Variants in HAP1 observed in about 807,000 individuals in gnomAD.
HAP1 encodes the protein huntingtin associated protein 1, also known as huntingtin-associated protein 1.
In HAP1, 59 loss-of-function variants were observed where a neutral mutation model predicts 60.3. The observed-to-expected ratio is 0.98, with a 90% CI of 0.79 to 1.22. The LOEUF is 1.22. Among genes scored for constraint, HAP1 ranks in the 50% most tolerant of loss-of-function variants. The probability of loss-of-function intolerance (pLI) is 0.00; values close to 1 mark genes in which losing one functional copy is unlikely to be tolerated. For missense variants in HAP1, 825 were observed against 785.3 expected (o/e 1.05, Z -0.60); for synonymous variants, 346 against 330.6 (o/e 1.05, Z -0.50).
rs782572130 is a variant in HAP1 at position 41,732,326 on chromosome 17, A to G, written c.618T>C (p.Thr206=). Reference sequence around the variant, plus strand: ...CCAGGGACTGGCCGATGCGAGCTGCAGTGTTCAGGTCCCTCTCTCTCTGCA... The same window carrying G: ...CCAGGGACTGGCCGATGCGAGCTGCGGTGTTCAGGTCCCTCTCTCTCTGCA... ...MVLQRERDLN[T]AARIGQSLVK... The change falls in exon 3 of 11, where the codon ACT becomes ACC. Residue 206 remains threonine, a synonymous_variant. Transcript: ENST00000347901. The G allele has an allele frequency of 6.2e-7, 1 of 1,614,104 alleles. No homozygotes were observed. Among genetic ancestry groups the G allele is most frequent in the Non-Finnish European group, 8.5e-7 (1 of 1,179,966 alleles).
At chr17:41,728,368 C>A in intron 6 of HAP1, 37 bp from the exon 7 acceptor site, 1 of 1,607,128 alleles carries the variant, frequency 6.2e-7, no homozygotes, top group South Asian at 1.1e-5. Context: ...CCTGGCTCCC[C>A]TGGCCTTCAG....
chr17:41,727,198 T>TA (rs1911719718), intron 8 of HAP1, 54 bp from the exon 9 acceptor site: 2 of 929,360 alleles, frequency 2.2e-6, no homozygotes, highest in African/African-American at 1.6e-5. Context: ...CCCCCACCCA[T>TA]AGGCTCAGGC....
Position 41,727,838 on chromosome 17 carries a change from T to TC in HAP1, c.1201-3_1201-2insG. Reference sequence around the variant, plus strand: ...CAACTTTTCAGTCTCAGCCCCATACTGGAAGGACCCAAAACCAGTGAACCC... The same window carrying TC: ...CAACTTTTCAGTCTCAGCCCCATACTCGGAAGGACCCAAAACCAGTGAACCC... On this transcript the variant is annotated splice_region_variant and splice_polypyrimidine_tract_variant and intron_variant, in intron 7 of 10. Coordinates refer to ENST00000347901, the MANE Select transcript of HAP1 (RefSeq NM_177977.3). The TC allele has an allele frequency of 1.3e-6, 2 of 1,595,952 alleles. No individual in the cohort carries two copies. The highest frequency in any genetic ancestry group is 1.7e-6 in the Non-Finnish European group (2 of 1,163,968).
At chr17:41,725,764 C>T (rs1389652717) in intron 10 of HAP1, 95 bp downstream of exon 10, 7 of 907,652 alleles carry the variant, frequency 7.7e-6, no homozygotes, top group Admixed American at 6.9e-5. Flanking sequence ...GCAGGGCCTT[C>T]TCCGGAGTTG....
chr17:41,728,058 G>T, intron 7 of HAP1, 143 bp downstream of exon 7: 1 of 985,088 alleles, frequency 1.0e-6, no homozygotes, highest in Non-Finnish European at 1.5e-6. Context: ...GATAACAAGG[G>T]GTCAAGATAA....
At chr17:41,720,078 G>A (rs1327226291), downstream of HAP1, among the ~76,000 whole-genome samples, 2 of 150,874 alleles carry the variant, frequency 1.3e-5, no homozygotes, top group African/African-American at 4.9e-5. Flanking sequence ...TTTAGTAGAG[G>A]CGGGGTTTCA....
chr17:41,731,147 G>C (rs550099687), intron 6 of HAP1, among the ~76,000 whole-genome samples: 151 of 152,240 alleles, frequency 9.9e-4, no homozygotes, highest in Non-Finnish European at 1.6e-3. Context: ...CTGACCTCAG[G>C]TGATCCGCCG....
At position 41,724,420 on chromosome 17, in the gene HAP1, G is replaced by C; in HGVS notation, c.*281C>G. 1 of 370,624 alleles carries C rather than the reference G, an allele frequency of 2.7e-6. No individual in the cohort carries two copies. Among genetic ancestry groups the C allele is most frequent in the South Asian group, 4.4e-5 (1 of 22,560 alleles). 23.0% of individuals were successfully genotyped at this position (370,624 alleles called of 1,614,324 possible). ...AGCCTGGGGGATAGAGGAGGCAGGG[G>C]TTGGGGGCAGGGGAAGCAAGCGGGC... is the stretch of plus-strand genomic sequence containing the variant. On this transcript the variant is annotated 3_prime_UTR_variant, in exon 11 of 11. Transcript: ENST00000347901.
chr17:41,734,507 G>A lies in HAP1; in HGVS notation c.128C>T (p.Ala43Val), dbSNP rs1240737037. 1 of 1,611,960 alleles carries A rather than the reference G, an allele frequency of 6.2e-7. No homozygotes were observed. Among genetic ancestry groups the A allele is most frequent in the Non-Finnish European group, 8.5e-7 (1 of 1,179,738 alleles). ...PAPEPSAQPQARGTGQRVGSR... is the reference protein window; with the variant it reads ...PAPEPSAQPQVRGTGQRVGSR... ...TCCTACTCTCTGTCCAGTGCCCCGTGCCTGCGGCTGCGCAGAGGGCTCCGG... is the reference window on the plus strand; with the variant it reads ...TCCTACTCTCTGTCCAGTGCCCCGTACCTGCGGCTGCGCAGAGGGCTCCGG... The change falls in exon 1 of 11, where the codon GCA (alanine) becomes GTA (valine). Residue 43 changes from alanine to valine, a missense_variant. Ala to Val is a moderately conservative substitution (Grantham distance 64). Transcript: ENST00000347901.
chr17:41,725,938 C>G, intron 9 of HAP1, 41 bp from the exon 10 acceptor site: 1 of 1,469,894 alleles, frequency 6.8e-7, no homozygotes, highest in Non-Finnish European at 9.5e-7. Flanking sequence ...ACAATGGAAG[C>G]CGAAACTGCA....
In HAP1 at chr17:41,722,723, G is replaced by A. The variant is rs1258064938; in HGVS notation, c.*1978C>T. 6.6e-6 allele frequency: 1 copy of A among 152,270 alleles called. No individual in the cohort carries two copies. Among genetic ancestry groups the A allele is most frequent in the Non-Finnish European group, 1.5e-5 (1 of 68,116 alleles). 9.4% of individuals were successfully genotyped at this position (152,270 alleles called of 1,614,324 possible). On this transcript the variant is annotated 3_prime_UTR_variant, in exon 11 of 11. Coordinates refer to ENST00000347901, the MANE Select transcript of HAP1 (RefSeq NM_177977.3). ...GGAGATTGAGAGGTGCTGTGTGAAG[G>A]GGGGCAGGTACCTGCAGGAGGCCTC...
In HAP1 at chr17:41,733,127, CTG is replaced by C. The variant is rs779121724; in HGVS notation, c.470-331_470-330del. Among the ~76,000 whole-genome samples, 317 of 142,268 alleles carry C rather than the reference CTG, an allele frequency of 2.2e-3. 1 individual carries two copies. The Middle Eastern group carries it at 0.038, about 17-fold the overall frequency. 93.3% of individuals were successfully genotyped at this position (142,268 alleles called of 152,430 possible). A position where few individuals can be genotyped will look rare whatever the true frequency, so the allele number is the denominator to read the frequency against. ...AGTGCGATGGCGAGATCTCAGCTCACTGCAACGTCTGCCTCCCAGATTCAAGC... is the reference window on the plus strand; with the variant it reads ...AGTGCGATGGCGAGATCTCAGCTCACCAACGTCTGCCTCCCAGATTCAAGC... On this transcript the variant is annotated intron_variant, in intron 1 of 10. Coordinates refer to ENST00000347901, the MANE Select transcript of HAP1 (RefSeq NM_177977.3).
At chr17:41,729,586 G>A (rs1555590021) in intron 6 of HAP1, among the ~76,000 whole-genome samples, 1 of 99,176 alleles carries the variant, frequency 1.0e-5, no homozygotes, top group African/African-American at 3.6e-5. Context: ...AAAAGGAAAT[G>A]CGGTCTTGGC....
Position 41,724,455 on chromosome 17 carries a change from A to G in HAP1, c.*246T>C. 1 of 487,282 alleles carries G rather than the reference A, an allele frequency of 2.1e-6. No individual in the cohort carries two copies. The highest frequency in any genetic ancestry group is 3.7e-6 in the Non-Finnish European group (1 of 272,070). 30.2% of individuals were successfully genotyped at this position (487,282 alleles called of 1,614,324 possible). On this transcript the variant is annotated 3_prime_UTR_variant, in exon 11 of 11. Transcript: ENST00000347901. ...GGGGAAGCAAGCGGGCAGAGATGGG[A>G]AGCTGAGGCGCAGTGTGGGGGCACA...
In HAP1 at chr17:41,724,714, G is replaced by T. The variant is rs34381648; in HGVS notation, c.1847C>A (p.Ser616Ter). Reference sequence around the variant, plus strand: ...CACCCTCTCTTTTCATCGGCACGACGATCTGCAGCTTGTCCGGCTGGCGGC... The same window carrying T: ...CACCCTCTCTTTTCATCGGCACGACTATCTGCAGCTTGTCCGGCTGGCGGC... ...LPAASRTSCR[S>*]SCR The change falls in exon 11 of 11, where the codon TCG (serine) becomes TAG (stop). Residue 616 changes from serine (S) to a stop codon, truncating the protein, a stop_gained. Transcript: ENST00000347901. LOFTEE classifies it high-confidence loss of function. 0.012 allele frequency: 18,757 copies of T among 1,592,356 alleles called. 1,738 individuals carry two copies. The African/African-American group carries it at 0.22, about 18-fold the overall frequency.
rs5001709 is a variant in HAP1, at chr17:41,724,293, C to T, written c.*408G>A. 123,956 of 162,724 alleles carry T rather than the reference C, an allele frequency of 0.76. 49,144 individuals carry two copies. Among genetic ancestry groups the T allele is most frequent in the Middle Eastern group, 0.91 (290 of 318 alleles). 10.1% of individuals were successfully genotyped at this position (162,724 alleles called of 1,614,324 possible). Reference sequence around the variant, plus strand: ...TCCCAGGCCGTGGGAGGGTGGCTGGCCCTGTCCTCCAGCCTGGGTCAGCCC... The same window carrying T: ...TCCCAGGCCGTGGGAGGGTGGCTGGTCCTGTCCTCCAGCCTGGGTCAGCCC... On this transcript the variant is annotated 3_prime_UTR_variant, in exon 11 of 11. Transcript: ENST00000347901.
At chr17:41,725,929 C>CT (rs1191974873) in intron 9 of HAP1, 32 bp from the exon 10 acceptor site, 5 of 1,559,176 alleles carry the variant, frequency 3.2e-6, no homozygotes, top group Non-Finnish European at 4.4e-6. Flanking sequence ...CATTATGAGA[C>CT]AATGGAAGCC....
chr17:41,728,028 CTG>C (rs1368077501), intron 7 of HAP1, among the ~76,000 whole-genome samples, 171 bp downstream of exon 7: 2 of 149,440 alleles, frequency 1.3e-5, no homozygotes, highest in African/African-American at 5.2e-5. Context: ...AGGACCCTCT[CTG>C]GGCCTTGGTC....
chr17:41,725,106 C>T lies in HAP1; in HGVS notation c.1455G>A (p.Glu485=), dbSNP rs1555588438. ...SEDREQVRGF[E]AEEGLMLAAD... ...CTGCCAGCATCAACCCTTCCTCAGC[C>T]TCAAACCCCCGCACCTGCTCTCGAT... is the stretch of plus-strand genomic sequence containing the variant. The change falls in exon 11 of 11, where the codon GAG becomes GAA. Residue 485 remains glutamate, a synonymous_variant. Transcript: ENST00000347901. 4 of 1,610,908 alleles carry T rather than the reference C, an allele frequency of 2.5e-6. No individual in the cohort carries two copies. The highest frequency in any genetic ancestry group is 3.4e-6 in the Non-Finnish European group (4 of 1,178,170).
Sources: allele counts gnomAD v4.1 joint callset (sites outside exome capture counted in the v4.1 genomes callset), GRCh38; gene constraint gnomAD v4.1.1; transcripts MANE v1.5; gene names NCBI Gene and HGNC (gene_info 2026-07-23, HGNC 2026-07-21).